Variants in ENPP5 observed in about 807,000 individuals in gnomAD.
ENPP5 encodes the protein E-NPP 5.
ENPP5 carries 27 observed loss-of-function variants against 33.7 expected under a neutral mutation model. That is an observed-to-expected ratio of 0.80 (90% CI 0.59 to 1.11). The LOEUF is 1.11. Among genes scored for constraint, ENPP5 ranks in the 50% least tolerant of loss-of-function variants. ENPP5 has a pLI of 0.00. For missense variants in ENPP5, 552 were observed against 579.2 expected, an observed-to-expected ratio of 0.95 and a Z score of 0.48; for synonymous variants, 199 against 200.5, an observed-to-expected ratio of 0.99 and a Z score of 0.06.
chr6:46,169,871 C>T (rs1226906267), intron 2 of ENPP5, among the ~76,000 whole-genome samples, 182 bp downstream of exon 2: 1 of 152,144 alleles, frequency 6.6e-6, no homozygotes, highest in African/African-American at 2.4e-5. Flanking sequence ...ACTGTGTTTT[C>T]ACCATACCTA....
In ENPP5 at chr6:46,161,217, A is replaced by T; in HGVS notation, c.*109T>A. The T allele has an allele frequency of 2.3e-6, 2 of 852,292 alleles. No individual in the cohort carries two copies. Among genetic ancestry groups the T allele is most frequent in the Non-Finnish European group, 3.6e-6 (2 of 554,532 alleles). The allele number at this position is 852,292 out of a possible 1,614,324, so 52.8% of individuals were successfully genotyped here. A position where few individuals can be genotyped will look rare whatever the true frequency, so the allele number is the denominator to read the frequency against. Reference sequence around the variant, plus strand: ...TGTATACCTAAATATGTAACTGCTTAATGGTTTCTGCAAATGTTTGGAACT... The same window carrying T: ...TGTATACCTAAATATGTAACTGCTTTATGGTTTCTGCAAATGTTTGGAACT... On this transcript the variant is annotated 3_prime_UTR_variant, in exon 5 of 5. Coordinates refer to ENST00000371383, the MANE Select transcript of ENPP5 (RefSeq NM_001290072.2).
intron 2 of ENPP5, among the ~76,000 whole-genome samples, chr6:46,168,756 T>C (rs550417037): frequency 6.6e-6 from 1 of 151,860 alleles, no homozygotes; most frequent in East Asian, 1.9e-4. Flanking sequence ...ATGGTGCATA[T>C]ACATATATAT....
intron 4 of ENPP5, 156 bp downstream of exon 4, chr6:46,165,230 AG>A (rs1477743220): frequency 5.5e-6 from 3 of 549,698 alleles, no homozygotes; most frequent in Non-Finnish European, 9.0e-6. Flanking sequence ...ATCTAAAAAA[AG>A]CATTTTTAGA....
At chr6:46,163,926 A>T (rs1363256319) in intron 4 of ENPP5, among the ~76,000 whole-genome samples, 9 of 152,258 alleles carry the variant, frequency 5.9e-5, no homozygotes, top group Middle Eastern at 6.8e-3. Flanking sequence ...CCTTCCTTAC[A>T]CCTTATACAA....
Position 46,167,436 on chromosome 6 carries a change from T to A in ENPP5, c.827A>T (p.Glu276Val), listed in dbSNP as rs143555767. 6 of 1,599,078 alleles carry A rather than the reference T, an allele frequency of 3.8e-6. No homozygotes were observed. In the African/African-American group the frequency reaches 8.0e-5, roughly 21 times the overall value. The change falls in exon 3 of 5, where the codon GAA (glutamate) becomes GTA (valine). Residue 276 changes from glutamate to valine, a missense_variant and splice_region_variant. By Grantham distance (121) the Glu-to-Val change is moderately radical (BLOSUM62 -2). Transcript: ENST00000371383. Reference sequence around the variant, plus strand: ...ACCATTCATTCAGTCAGCCTTACCTTCTTTTGGCAAGATGGCTGCTACTGG... The same window carrying A: ...ACCATTCATTCAGTCAGCCTTACCTACTTTTGGCAAGATGGCTGCTACTGG... Reference protein sequence around the residue: ...QSPVAAILPKEGKFDEVYEAL... With the variant: ...QSPVAAILPKVGKFDEVYEAL...
Position 46,161,163 on chromosome 6 carries a change from G to C in ENPP5, c.*163C>G. ...TTTGCAGGTGTAAGTATTTTGGTCC[G>C]TGTGTGTGTATGTGTGTGTGTGTGT... On this transcript the variant is annotated 3_prime_UTR_variant, in exon 5 of 5. Transcript: ENST00000371383. 1 of 590,408 alleles carries C rather than the reference G, an allele frequency of 1.7e-6. No homozygotes were observed. 36.6% of individuals were successfully genotyped at this position (590,408 alleles called of 1,614,324 possible).
Position 46,161,298 on chromosome 6 carries a change from C to A in ENPP5, c.*28G>T. On this transcript the variant is annotated 3_prime_UTR_variant, in exon 5 of 5. Coordinates refer to ENST00000371383, the MANE Select transcript of ENPP5 (RefSeq NM_001290072.2). ...TGACATAATTATGGAATCTCCACTT[C>A]AATATGCAAATCCACTTCAAAGTAA... The A allele has an allele frequency of 6.4e-7, 1 of 1,571,020 alleles. No individual in the cohort carries two copies. The highest frequency in any genetic ancestry group is 1.2e-5 in the South Asian group (1 of 85,294).
chr6:46,161,631 G>C lies in ENPP5; in HGVS notation c.1129C>G (p.Leu377Val), dbSNP rs747908197. 1 of 1,613,958 alleles carries C rather than the reference G, an allele frequency of 6.2e-7. No homozygotes were observed. Among genetic ancestry groups the C allele is most frequent in the East Asian group, 2.2e-5 (1 of 44,868 alleles). Residue 377 changes from leucine to valine, a missense_variant, in exon 5 of 5, where the codon CTA becomes GTA. Physicochemically the swap from Leu to Val is conservative, Grantham distance 32. Coordinates refer to ENST00000371383, the MANE Select transcript of ENPP5 (RefSeq NM_001290072.2). ...GCGGTGATATTGAGGAGGTGGCATA[G>C]TAGTGGGTACAAATCTGTGGAGTTC... Reference protein sequence around the residue: ...AMNSTDLYPLLCHLLNITAMP... With the variant: ...AMNSTDLYPLVCHLLNITAMP...
intron 3 of ENPP5, 95 bp from the exon 4 acceptor site, chr6:46,165,658 A>G: frequency 1.0e-6 from 1 of 982,986 alleles, no homozygotes; most frequent in Non-Finnish European, 1.4e-6. Context: ...AAAACCAGAG[A>G]GCTGAACATA....
At position 46,168,054 on chromosome 6, in the gene ENPP5, G is replaced by A. The variant is rs1562071882; in HGVS notation, c.209C>T (p.Thr70Ile). ...AGTATAATGGTTAGGGTAGGTTTTT[G>A]TAATAAAAACATTAGTAACTTGCTT... ...HVKQVTNVFI[T>I]KTYPNHYTLV... is the part of the protein sequence containing the mutation. Residue 70 changes from threonine (T) to isoleucine (I), a missense_variant, in exon 3 of 5, where the codon ACA becomes ATA. Coordinates refer to ENST00000371383, the MANE Select transcript of ENPP5 (RefSeq NM_001290072.2). The A allele has an allele frequency of 6.2e-7, 1 of 1,613,838 alleles. No individual in the cohort carries two copies. Among genetic ancestry groups the A allele is most frequent in the Non-Finnish European group, 8.5e-7 (1 of 1,179,808 alleles).
intron 3 of ENPP5, 55 bp from the exon 4 acceptor site, chr6:46,165,618 C>T (rs564322076): frequency 7.6e-7 from 1 of 1,319,882 alleles, no homozygotes; most frequent in Non-Finnish European, 1.0e-6. Context: ...CTACCATCAG[C>T]CATGGGCAAC....
At position 46,162,443 on chromosome 6, in the gene ENPP5, T is replaced by C. The variant is rs571093949; in HGVS notation, c.1007-690A>G. Among the ~76,000 whole-genome samples, 8 of 152,282 alleles carry C rather than the reference T, an allele frequency of 5.3e-5. No individual in the cohort carries two copies. In the South Asian group the frequency reaches 1.0e-3, roughly 20 times the overall value. On this transcript the variant is annotated intron_variant, in intron 4 of 4. Coordinates refer to ENST00000371383, the MANE Select transcript of ENPP5 (RefSeq NM_001290072.2). ...CAAGTGACATAAAATGGATACGAAA[T>C]TGATAATAGCTGGATTTCAAAGTCA...
chr6:46,167,121 C>G (rs1275593673), intron 3 of ENPP5, among the ~76,000 whole-genome samples: 1 of 152,088 alleles, frequency 6.6e-6, no homozygotes, highest in Non-Finnish European at 1.5e-5. Context: ...TTGTATGTAT[C>G]TTTCCATCTC....
chr6:46,164,629 C>T (rs1021820688), intron 4 of ENPP5, among the ~76,000 whole-genome samples: 1 of 151,972 alleles, frequency 6.6e-6, no homozygotes, highest in Non-Finnish European at 1.5e-5. Flanking sequence ...AGATAGCAGT[C>T]CTTTGTTGAG....
At chr6:46,162,225 A>T (rs1461557682) in intron 4 of ENPP5, among the ~76,000 whole-genome samples, 45 of 152,216 alleles carry the variant, frequency 3.0e-4, no homozygotes, top group Non-Finnish European at 1.2e-4. Context: ...ATACATAAAG[A>T]AAAGCAAAAG....
chr6:46,169,687 G>T (rs1036035213), intron 2 of ENPP5, among the ~76,000 whole-genome samples: 2 of 152,126 alleles, frequency 1.3e-5, no homozygotes, highest in African/African-American at 4.8e-5. Flanking sequence ...AGCCACCGCA[G>T]CCGGCCTGAA....
Position 46,160,611 on chromosome 6 carries a change from A to G in ENPP5, c.*715T>C, listed in dbSNP as rs962192934. 2 of 152,300 alleles carry G rather than the reference A, an allele frequency of 1.3e-5. No individual in the cohort carries two copies. Among genetic ancestry groups the G allele is most frequent in the South Asian group, 4.1e-4 (2 of 4,824 alleles). 9.4% of individuals were successfully genotyped at this position (152,300 alleles called of 1,614,324 possible). ...ATCAGGAAATCACAATAATTTTATG[A>G]CAGAAACAATATATTTAGAACGAAT... is the stretch of plus-strand genomic sequence containing the variant. On this transcript the variant is annotated 3_prime_UTR_variant, in exon 5 of 5. Coordinates refer to ENST00000371383, the MANE Select transcript of ENPP5 (RefSeq NM_001290072.2).
In ENPP5 at chr6:46,167,596, T is replaced by A. The variant is rs1427273625; in HGVS notation, c.667A>T (p.Lys223Ter). 3.1e-6 allele frequency: 5 copies of A among 1,614,248 alleles called. No individual in the cohort carries two copies. The South Asian group carries it at 5.5e-5, about 18-fold the overall frequency. ...AGAGTGTTCCACAACTTTGCCTTTTTCAGCATTTGTATGAGATATCCTAAC... is the reference window on the plus strand; with the variant it reads ...AGAGTGTTCCACAACTTTGCCTTTTACAGCATTTGTATGAGATATCCTAAC... Reference protein sequence around the residue: ...KKLGYLIQMLKKAKLWNTLNL... With the variant: ...KKLGYLIQML Residue 223 changes from lysine to a stop codon, truncating the protein, a stop_gained, in exon 3 of 5, where the codon AAA becomes TAA. Coordinates refer to ENST00000371383, the MANE Select transcript of ENPP5 (RefSeq NM_001290072.2). LOFTEE classifies it high-confidence loss of function.
intron 2 of ENPP5, among the ~76,000 whole-genome samples, chr6:46,169,211 G>T (rs143010663): frequency 3.7e-4 from 56 of 152,230 alleles, no homozygotes; most frequent in Middle Eastern, 6.8e-3. Context: ...ATAAACAATA[G>T]ATATGTAAAT....
Sources: gnomAD v4.1 joint callset for allele counts (sites outside exome capture counted in the v4.1 genomes callset) on GRCh38, gnomAD v4.1.1 for gene constraint, MANE v1.5 for transcripts, NCBI Gene and HGNC (gene_info 2026-07-23, HGNC 2026-07-21) for gene names.